TNIK: variants seen among roughly 807,000 people sequenced by gnomAD.
TNIK encodes the protein TRAF2 and NCK interacting kinase.
TNIK carries 49 observed loss-of-function variants against 191.3 expected under a neutral mutation model. The ratio of observed to expected loss-of-function variants is 0.26; its 90% CI spans 0.20 to 0.32. The LOEUF is 0.32. Among genes scored for constraint, TNIK ranks in the 10% least tolerant of loss-of-function variants. TNIK has a pLI of 1.00. For synonymous variants in TNIK, 594 were observed against 600.9 expected, an observed-to-expected ratio of 0.99 and a Z score of 0.17; for missense variants, 1,155 against 1,702.3, an observed-to-expected ratio of 0.68 and a Z score of 5.66.
chr3:171,158,930 A>G (rs548528887), intron 11 of TNIK, among the ~76,000 whole-genome samples: 1 of 152,210 alleles, frequency 6.6e-6, no homozygotes, highest in Admixed American at 6.6e-5. Flanking sequence ...ACAGGGGTGC[A>G]CCCTATTTTT....
rs147546398 is a variant in TNIK at position 171,209,012 on chromosome 3, A to G, written c.306+2104T>C. Among the ~76,000 whole-genome samples, 166 of 151,522 alleles carry G rather than the reference A, an allele frequency of 1.1e-3. 1 individual carries two copies. Among genetic ancestry groups the G allele is most frequent in the African/African-American group, 3.8e-3 (155 of 41,198 alleles). ...AAATAAGTGACCTGATTTAGGACATATTCCTGCCTGTGAAAATAGGGAGTC... is the reference window on the plus strand; with the variant it reads ...AAATAAGTGACCTGATTTAGGACATGTTCCTGCCTGTGAAAATAGGGAGTC... On this transcript the variant is annotated intron_variant, in intron 4 of 32. Transcript: ENST00000436636.
At position 171,224,967 on chromosome 3, in the gene TNIK, C is replaced by A. The variant is rs905126; in HGVS notation, c.180+3198G>T. Among the ~76,000 whole-genome samples the A allele has an allele frequency of 2.5e-3, 380 of 151,910 alleles. 1 individual carries two copies. Among genetic ancestry groups the A allele is most frequent in the African/African-American group, 8.4e-3 (350 of 41,432 alleles). ...AGTTCTCTCAATGGCTGTTTTATAC[C>A]AAAAAGGAAGTGATATAGAATAAAA... is the stretch of plus-strand genomic sequence containing the variant. On this transcript the variant is annotated intron_variant, in intron 3 of 32. Coordinates refer to ENST00000436636, the MANE Select transcript of TNIK (RefSeq NM_015028.4).
intron 2 of TNIK, among the ~76,000 whole-genome samples, chr3:171,265,972 G>A (rs893894019): frequency 6.6e-6 from 1 of 152,212 alleles, no homozygotes; most frequent in Non-Finnish European, 1.5e-5. Flanking sequence ...GGCTGTCATG[G>A]CACCTCCAAT....
rs1286574846 is a variant in TNIK at position 171,128,847 on chromosome 3, C to T, written c.1640G>A (p.Ser547Asn). Residue 547 changes from serine (S) to asparagine (N), a missense_variant, in exon 16 of 33, where the codon AGT (serine) becomes AAT (asparagine). By Grantham distance (46) the Ser-to-Asn change is conservative (BLOSUM62 1). Around this residue, in one of 3 missense-constraint regions of TNIK, gnomAD observed 735 missense variants for 848.0 expected, o/e 0.87. Coordinates refer to ENST00000436636, the MANE Select transcript of TNIK (RefSeq NM_015028.4). ...VEERSRLNRQ[S>N]SPAMPHKVAN... ...AACCTTGTGAGGCATGGCAGGGGAA[C>T]TTTGCCGGTTGAGCCTTGACCGTTC... 1 of 1,539,060 alleles carries T rather than the reference C, an allele frequency of 6.5e-7. No homozygotes were observed. Among genetic ancestry groups the T allele is most frequent in the African/African-American group, 1.5e-5 (1 of 67,650 alleles).
At chr3:171,434,280 T>A (rs1344526126) in intron 1 of TNIK, among the ~76,000 whole-genome samples, 1 of 152,096 alleles carries the variant, frequency 6.6e-6, no homozygotes. Flanking sequence ...ATTGTTTTTC[T>A]TGGCTCACAA....
intron 1 of TNIK, among the ~76,000 whole-genome samples, chr3:171,372,939 G>A (rs1278654728): frequency 1.3e-5 from 2 of 152,124 alleles, no homozygotes; most frequent in African/African-American, 4.8e-5. Flanking sequence ...CAAGGAGGGG[G>A]CTCTTTGAAA....
At chr3:171,204,580 C>T (rs1189478379) in intron 4 of TNIK, among the ~76,000 whole-genome samples, 5 of 152,208 alleles carry the variant, frequency 3.3e-5, no homozygotes, top group African/African-American at 1.2e-4. Flanking sequence ...GAAGAGTCAA[C>T]TATCTATGAC....
At chr3:171,384,495 C>A (rs1213242886) in intron 1 of TNIK, among the ~76,000 whole-genome samples, 1 of 152,190 alleles carries the variant, frequency 6.6e-6, no homozygotes, top group East Asian at 1.9e-4. Context: ...CCCAAGTTAT[C>A]CCAATGCATA....
intron 7 of TNIK, among the ~76,000 whole-genome samples, chr3:171,180,451 A>G (rs2108797498): frequency 6.6e-6 from 1 of 152,268 alleles, no homozygotes; most frequent in Admixed American, 6.5e-5. Context: ...TACCTCTAAC[A>G]CACATACATA....
intron 27 of TNIK, among the ~76,000 whole-genome samples, chr3:171,081,152 A>G (rs1720623296): frequency 6.6e-6 from 1 of 152,222 alleles, no homozygotes; most frequent in South Asian, 2.1e-4. Flanking sequence ...TAACCAGAAC[A>G]AAAGACTACA....
intron 1 of TNIK, among the ~76,000 whole-genome samples, chr3:171,424,850 G>A (rs1171175623): frequency 8.2e-6 from 1 of 122,022 alleles, no homozygotes; most frequent in Non-Finnish European, 1.7e-5. Context: ...GGGGGAGGGG[G>A]GAGGGATAGC....
At chr3:171,402,168 C>G (rs1721030735) in intron 1 of TNIK, among the ~76,000 whole-genome samples, 1 of 152,180 alleles carries the variant, frequency 6.6e-6, no homozygotes, top group African/African-American at 2.4e-5. Flanking sequence ...ATAAATACAG[C>G]AGCACAAAAG....
intron 29 of TNIK, among the ~76,000 whole-genome samples, chr3:171,070,466 G>C (rs1719044253): frequency 6.6e-6 from 1 of 151,976 alleles, no homozygotes; most frequent in South Asian, 2.1e-4. Flanking sequence ...GAGAGACAGA[G>C]AGAGATCAGA....
intron 8 of TNIK, 109 bp downstream of exon 8, chr3:171,177,217 T>C (rs1488730526): frequency 1.8e-6 from 2 of 1,125,678 alleles, no homozygotes; most frequent in East Asian, 2.8e-5. Context: ...CTTGAATCCA[T>C]GCAGGGCTCG....
At chr3:171,402,190 T>G (rs1721034356) in intron 1 of TNIK, among the ~76,000 whole-genome samples, 1 of 152,168 alleles carries the variant, frequency 6.6e-6, no homozygotes, top group African/African-American at 2.4e-5. Context: ...CTTAAGAAAT[T>G]GAATGGAAAA....
At chr3:171,112,490 AATATT>A (rs1725995671) in intron 18 of TNIK, among the ~76,000 whole-genome samples, 1 of 152,204 alleles carries the variant, frequency 6.6e-6, no homozygotes. Flanking sequence ...AGTCTTGAAA[AATATT>A]AAAAGGGAAA....
intron 9 of TNIK, 82 bp from the exon 10 acceptor site, chr3:171,167,352 T>C: frequency 6.6e-7 from 1 of 1,521,230 alleles, no homozygotes; most frequent in Non-Finnish European, 8.8e-7. Context: ...ATGCTGGGAC[T>C]TTTTCTTTTT....
intron 1 of TNIK, among the ~76,000 whole-genome samples, chr3:171,377,983 G>T (rs1717492478): frequency 6.6e-6 from 1 of 152,200 alleles, no homozygotes; most frequent in African/African-American, 2.4e-5. Context: ...GGGTTACGGG[G>T]ATGCTGAAGG....
intron 1 of TNIK, among the ~76,000 whole-genome samples, chr3:171,392,348 G>A (rs1035607470): frequency 6.6e-6 from 1 of 152,216 alleles, no homozygotes; most frequent in Non-Finnish European, 1.5e-5. Context: ...GTGGCTATGA[G>A]AAAGGGGAGG....
Sources: gnomAD v4.1 joint callset for allele counts (sites outside exome capture counted in the v4.1 genomes callset) on GRCh38, gnomAD v4.1.1 for gene constraint, gnomAD v4.1.1 regional missense constraint, MANE v1.5 for transcripts, NCBI Gene and HGNC (gene_info 2026-07-23, HGNC 2026-07-21) for gene names.